ZDHHC14: variants seen among roughly 807,000 people sequenced by gnomAD.
The protein encoded by ZDHHC14 is zDHHC palmitoyltransferase 14, also known as palmitoyltransferase ZDHHC14.
In ZDHHC14, 16 loss-of-function variants were observed where a neutral mutation model predicts 47.7. The ratio of observed to expected loss-of-function variants is 0.34; its 90% CI spans 0.23 to 0.51. The LOEUF (loss-of-function observed/expected upper bound fraction) is 0.51, where lower values mean the gene tolerates loss of function less well. Ranked by LOEUF, ZDHHC14 falls within the 20% of genes least tolerant of loss-of-function variation. The pLI is 0.97. For synonymous variants in ZDHHC14, 293 were observed against 278.9 expected (o/e 1.05, Z -0.50); for missense variants, 515 against 662.5 (o/e 0.78, Z 2.44).
intron 2 of ZDHHC14, among the ~76,000 whole-genome samples, chr6:157,570,166 G>A (rs1783044243): frequency 6.6e-6 from 1 of 152,102 alleles, no homozygotes; most frequent in African/African-American, 2.4e-5. Context: ...ACCAGCCCTT[G>A]CATTCAGGTC....
chr6:157,658,976 T>C (rs1562534202), intron 8 of ZDHHC14, among the ~76,000 whole-genome samples: 1 of 152,246 alleles, frequency 6.6e-6, no homozygotes, highest in Non-Finnish European at 1.5e-5. Context: ...GATTACTAAT[T>C]CACTCTACTT....
At chr6:157,434,333 C>A (rs760078970) in intron 1 of ZDHHC14, among the ~76,000 whole-genome samples, 24 of 151,700 alleles carry the variant, frequency 1.6e-4, no homozygotes, top group Non-Finnish European at 3.2e-4. Context: ...GCCTGATTTC[C>A]CCTGTTAGGG....
chr6:157,610,817 C>A (rs188869468), intron 3 of ZDHHC14, among the ~76,000 whole-genome samples: 1 of 152,184 alleles, frequency 6.6e-6, no homozygotes, highest in South Asian at 2.1e-4. Flanking sequence ...CAAAGCCAGC[C>A]GCTTCTCTGC....
chr6:157,446,829 C>T (rs1243218072), intron 1 of ZDHHC14, among the ~76,000 whole-genome samples: 1 of 152,074 alleles, frequency 6.6e-6, no homozygotes, highest in African/African-American at 2.4e-5. Flanking sequence ...TGGATATGCA[C>T]ATTTATAGGC....
At chr6:157,630,237 C>G (rs927353467) in intron 4 of ZDHHC14, 4 of 152,216 alleles carry the variant, frequency 2.6e-5, no homozygotes, top group African/African-American at 9.7e-5. Context: ...GCTTCGGCCT[C>G]CCAAAGTGCT....
At position 157,586,798 on chromosome 6, in the gene ZDHHC14, A is replaced by C. The variant is rs1199704693; in HGVS notation, c.407-6190A>C. 6.6e-6 allele frequency among the ~76,000 whole-genome samples: 1 copy of C among 152,202 alleles called. No individual in the cohort carries two copies. The highest frequency in any genetic ancestry group is 1.9e-4 in the East Asian group (1 of 5,190). On this transcript the variant is annotated intron_variant, in intron 2 of 8. Coordinates refer to ENST00000359775, the MANE Select transcript of ZDHHC14 (RefSeq NM_024630.3). This position sits in a 1 kb window ranked among gnomAD's most constrained non-coding sequence, Gnocchi z 4.6. ...CTTCTGATCCTTCCATTTCTTTTAC[A>C]TAAAGAGCTCTCCAAATATTTAGTC...
chr6:157,498,751 T>C (rs140399063), intron 1 of ZDHHC14, among the ~76,000 whole-genome samples: 34 of 152,342 alleles, frequency 2.2e-4, no homozygotes, highest in African/African-American at 8.2e-4. Context: ...TGTAAAAAAG[T>C]TAAAATAGAA....
chr6:157,478,886 T>C (rs935760538), intron 1 of ZDHHC14, among the ~76,000 whole-genome samples: 1 of 152,200 alleles, frequency 6.6e-6, no homozygotes, highest in African/African-American at 2.4e-5. Context: ...AGTGAAACAG[T>C]GAAGAGAGTG....
Position 157,427,469 on chromosome 6 carries a change from G to A in ZDHHC14, c.245+45203G>A, listed in dbSNP as rs549928688. On this transcript the variant is annotated intron_variant, in intron 1 of 8. Coordinates refer to ENST00000359775, the MANE Select transcript of ZDHHC14 (RefSeq NM_024630.3). This position sits in a 1 kb window ranked among gnomAD's most constrained non-coding sequence, Gnocchi z 4.4. ...TTCTCCAGCAGGGCCTACCAGCATG[G>A]GTTGGCGTGGGGGTGAGGATGGTTG... Among the ~76,000 whole-genome samples the A allele has an allele frequency of 8.5e-5, 13 of 152,270 alleles. 1 individual carries two copies. The South Asian group carries it at 2.7e-3, about 32-fold the overall frequency.
At chr6:157,564,287 C>T (rs145680472) in intron 2 of ZDHHC14, among the ~76,000 whole-genome samples, 450 of 152,278 alleles carry the variant, frequency 3.0e-3, no homozygotes, top group African/African-American at 0.01. Flanking sequence ...TCCCAATTCC[C>T]TCTGCCGTCT....
chr6:157,667,134 C>T (rs968156730), intron 8 of ZDHHC14, among the ~76,000 whole-genome samples: 6 of 152,148 alleles, frequency 3.9e-5, no homozygotes, highest in African/African-American at 1.2e-4. Flanking sequence ...TACATATGAA[C>T]TTTTAAAAGG....
intron 1 of ZDHHC14, among the ~76,000 whole-genome samples, chr6:157,487,584 G>A (rs905630706): frequency 6.6e-6 from 1 of 152,174 alleles, no homozygotes; most frequent in Non-Finnish European, 1.5e-5. Flanking sequence ...CTGGCCTAAG[G>A]CCATACAGTC....
chr6:157,515,975 A>G (rs927049), intron 1 of ZDHHC14, among the ~76,000 whole-genome samples: 91,739 of 152,020 alleles, frequency 0.6, 27,777 homozygotes, highest in African/African-American at 0.65. Context: ...CAAGCAGGCA[A>G]GGCGTGAAAT....
intron 8 of ZDHHC14, among the ~76,000 whole-genome samples, chr6:157,657,214 T>G (rs1778142313): frequency 6.6e-6 from 1 of 152,078 alleles, no homozygotes; most frequent in Non-Finnish European, 1.5e-5. Context: ...CATGCCCAGC[T>G]AATTTTTGCA....
At chr6:157,526,327 C>T (rs190094901) in intron 1 of ZDHHC14, among the ~76,000 whole-genome samples, 1 of 152,316 alleles carries the variant, frequency 6.6e-6, no homozygotes, top group African/African-American at 2.4e-5. Context: ...GGGACTTTCC[C>T]AGGCTTCTGG....
intron 8 of ZDHHC14, among the ~76,000 whole-genome samples, chr6:157,665,398 T>C (rs1454403571): frequency 6.6e-6 from 1 of 152,148 alleles, no homozygotes; most frequent in Non-Finnish European, 1.5e-5. Flanking sequence ...AGTGTTTACT[T>C]TGAAGGAGGA....
intron 2 of ZDHHC14, among the ~76,000 whole-genome samples, chr6:157,577,225 T>C (rs887220078): frequency 2.6e-5 from 4 of 152,236 alleles, no homozygotes; most frequent in African/African-American, 9.7e-5. Context: ...TAGTATTCCA[T>C]GGTGTATATG....
At chr6:157,575,601 G>A (rs2163292) in intron 2 of ZDHHC14, among the ~76,000 whole-genome samples, 85,103 of 151,954 alleles carry the variant, frequency 0.56, 24,566 homozygotes, top group African/African-American at 0.71. Context: ...TGCTCCCAGC[G>A]AGTGTGCACA....
chr6:157,395,514 C>T (rs913510795), intron 1 of ZDHHC14, among the ~76,000 whole-genome samples: 1 of 151,878 alleles, frequency 6.6e-6, no homozygotes, highest in Non-Finnish European at 1.5e-5. Context: ...TCCCAAGTTC[C>T]GCCGGGCGCG....
Sources: gnomAD v4.1 joint callset for allele counts (sites outside exome capture counted in the v4.1 genomes callset) on GRCh38, gnomAD v4.1.1 for gene constraint, Gnocchi (gnomAD v3.1) non-coding constraint, MANE v1.5 for transcripts, NCBI Gene and HGNC (gene_info 2026-07-23, HGNC 2026-07-21) for gene names.